Variants in ACSS3 observed in about 807,000 individuals in gnomAD.
ACSS3 encodes acyl-CoA synthetase short-chain family member 3, mitochondrial.
In ACSS3, 64 loss-of-function variants were observed where a neutral mutation model predicts 84.2. The ratio of observed to expected loss-of-function variants is 0.76; its 90% CI spans 0.62 to 0.94. The LOEUF (loss-of-function observed/expected upper bound fraction) is 0.94, where lower values mean the gene tolerates loss of function less well. ACSS3 is among the 40% of genes least tolerant of loss of function. ACSS3 has a pLI of 0.00. For synonymous variants in ACSS3, 317 were observed against 310.1 expected (o/e 1.02, Z -0.23); for missense variants, 815 against 867.6 (o/e 0.94, Z 0.76).
chr12:81,169,987 T>C (rs12580201), intron 7 of ACSS3, among the ~76,000 whole-genome samples: 27,256 of 152,054 alleles, frequency 0.18, 2,775 homozygotes, highest in East Asian at 0.4. Context: ...CTAAATGTAT[T>C]TCTAATCCTG....
chr12:81,168,419 C>A (rs1225451556), intron 7 of ACSS3, among the ~76,000 whole-genome samples: 1 of 152,128 alleles, frequency 6.6e-6, no homozygotes, highest in African/African-American at 2.4e-5. Context: ...ATGTACATAC[C>A]TTAATTTAAT....
At chr12:81,138,829 C>T (rs889508230) in intron 3 of ACSS3, among the ~76,000 whole-genome samples, 6 of 152,182 alleles carry the variant, frequency 3.9e-5, no homozygotes, top group African/African-American at 1.4e-4. Flanking sequence ...TTGCATTGTA[C>T]TAGTTTATGG....
chr12:81,183,119 A>G (rs531799607), intron 8 of ACSS3, among the ~76,000 whole-genome samples: 1 of 152,328 alleles, frequency 6.6e-6, no homozygotes, highest in East Asian at 1.9e-4. Flanking sequence ...GCAAGGGGAA[A>G]AGTGGAAATT....
chr12:81,193,744 T>A (rs1455248542), intron 8 of ACSS3, among the ~76,000 whole-genome samples: 7 of 152,022 alleles, frequency 4.6e-5, no homozygotes, highest in Non-Finnish European at 8.8e-5. Context: ...ATGTGATTAT[T>A]AAACTCTTGA....
intron 10 of ACSS3, among the ~76,000 whole-genome samples, chr12:81,219,632 G>C (rs1294599608): frequency 6.6e-6 from 1 of 151,954 alleles, no homozygotes; most frequent in Non-Finnish European, 1.5e-5. Flanking sequence ...TTTTATTTTT[G>C]TTGCGTATAT....
intron 1 of ACSS3, among the ~76,000 whole-genome samples, chr12:81,089,103 T>C (rs2121316007): frequency 6.6e-6 from 1 of 152,030 alleles, no homozygotes; most frequent in Non-Finnish European, 1.5e-5. Flanking sequence ...CATTATTCAT[T>C]GCTTATAGTA....
At chr12:81,238,012 C>T (rs1021887347) in intron 13 of ACSS3, among the ~76,000 whole-genome samples, 4 of 151,606 alleles carry the variant, frequency 2.6e-5, no homozygotes, top group Admixed American at 6.6e-5. Context: ...TGGTTCATCA[C>T]GAAATTGTGG....
chr12:81,174,714 A>C, intron 7 of ACSS3, 74 bp from the exon 8 acceptor site: 3 of 1,444,300 alleles, frequency 2.1e-6, no homozygotes, highest in Non-Finnish European at 2.8e-6. Flanking sequence ...GTTGTGTTAA[A>C]TGTATAACTA....
intron 5 of ACSS3, among the ~76,000 whole-genome samples, chr12:81,149,537 G>C (rs1886509364): frequency 6.6e-6 from 1 of 152,080 alleles, no homozygotes; most frequent in African/African-American, 2.4e-5. Flanking sequence ...CAAATACTCA[G>C]AAATTTGAAA....
At chr12:81,109,263 TG>T (rs1184149681) in intron 1 of ACSS3, among the ~76,000 whole-genome samples, 1 of 152,202 alleles carries the variant, frequency 6.6e-6, no homozygotes, top group Non-Finnish European at 1.5e-5. Context: ...AGGCTGATTT[TG>T]GTGCTCTATA....
At chr12:81,205,632 G>A (rs1402785371) in intron 9 of ACSS3, among the ~76,000 whole-genome samples, 1 of 152,034 alleles carries the variant, frequency 6.6e-6, no homozygotes, top group Admixed American at 6.6e-5. Flanking sequence ...AGGTATCAAA[G>A]TCTAAGTCAC....
intron 1 of ACSS3, among the ~76,000 whole-genome samples, chr12:81,097,980 G>A (rs75984391): frequency 6.6e-6 from 1 of 151,264 alleles, no homozygotes; most frequent in African/African-American, 2.4e-5. Flanking sequence ...AAAAAAAAAA[G>A]AACAATTCTT....
chr12:81,195,288 C>T (rs2031773095), intron 8 of ACSS3, among the ~76,000 whole-genome samples: 1 of 151,864 alleles, frequency 6.6e-6, no homozygotes, highest in African/African-American at 2.4e-5. Context: ...ACTTTTCAGT[C>T]CTAGGATTAT....
At position 81,134,445 on chromosome 12, in the gene ACSS3, G is replaced by A. The variant is rs1898157; in HGVS notation, c.457-371G>A. The stretch of plus-strand genomic sequence containing the variant: ...TGTTCACCTGACAGATTCACCTTTT[G>A]CAATACATAGGCTCTACAGGGACAA... On this transcript the variant is annotated intron_variant, in intron 2 of 15. Transcript: ENST00000548058. 6.6e-5 allele frequency among the ~76,000 whole-genome samples: 10 copies of A among 152,106 alleles called. No homozygotes were observed. In the East Asian group the frequency reaches 1.9e-3, roughly 29 times the overall value.
At chr12:81,168,959 C>T (rs541890421) in intron 7 of ACSS3, among the ~76,000 whole-genome samples, 26 of 152,198 alleles carry the variant, frequency 1.7e-4, no homozygotes, top group African/African-American at 5.8e-4. Flanking sequence ...AAATCCTGGC[C>T]GCAGATTAGA....
rs2034338239 is a variant in ACSS3, at chr12:81,257,319, T to C, written c.*2397T>C. On this transcript the variant is annotated 3_prime_UTR_variant, in exon 16 of 16. Transcript: ENST00000548058. The stretch of plus-strand genomic sequence containing the variant: ...TGATGAAAAAATAGGGCAAGAAAGA[T>C]ATACCTGAATCATCAGACTGCTTAA... 1 of 152,140 alleles carries C rather than the reference T, an allele frequency of 6.6e-6. No homozygotes were observed. Among genetic ancestry groups the C allele is most frequent in the Non-Finnish European group, 1.5e-5 (1 of 68,026 alleles). 9.4% of individuals were successfully genotyped at this position (152,140 alleles called of 1,614,324 possible). A position where few individuals can be genotyped will look rare whatever the true frequency, so the allele number is the denominator to read the frequency against.
At chr12:81,243,315 C>A (rs1488694865) in intron 13 of ACSS3, among the ~76,000 whole-genome samples, 1 of 152,098 alleles carries the variant, frequency 6.6e-6, no homozygotes, top group Non-Finnish European at 1.5e-5. Flanking sequence ...ACGTGAAGGA[C>A]CTCTTCAAGG....
intron 9 of ACSS3, among the ~76,000 whole-genome samples, chr12:81,213,819 T>C (rs1484440798): frequency 2.8e-5 from 2 of 72,356 alleles, no homozygotes; most frequent in African/African-American, 8.8e-5. Flanking sequence ...TTCTCTTCTC[T>C]TCTCTTCTCT....
intron 1 of ACSS3, among the ~76,000 whole-genome samples, chr12:81,095,534 G>A (rs1881983001): frequency 6.6e-6 from 1 of 152,154 alleles, no homozygotes; most frequent in South Asian, 2.1e-4. Context: ...AAGATAAAAT[G>A]TATCCTTAAC....
Sources: allele counts gnomAD v4.1 joint callset (sites outside exome capture counted in the v4.1 genomes callset), GRCh38; gene constraint gnomAD v4.1.1; transcripts MANE v1.5; gene names NCBI Gene and HGNC (gene_info 2026-07-23, HGNC 2026-07-21).